The following P4HA1 variants were observed in gnomAD, a reference collection of about 807,000 sequenced individuals.
The protein encoded by P4HA1 is prolyl 4-hydroxylase subunit alpha 1.
Under a neutral mutation model 72.8 loss-of-function variants are expected in P4HA1, and 24 were observed. That is an observed-to-expected ratio of 0.33 (90% CI 0.24 to 0.46). The LOEUF is 0.46. P4HA1 is among the 20% of genes least tolerant of loss of function. The probability of loss-of-function intolerance (pLI) is 1.00; values close to 1 mark genes in which losing one functional copy is unlikely to be tolerated. For synonymous variants in P4HA1, 201 were observed against 218.8 expected (o/e 0.92, Z 0.72); for missense variants, 446 against 640.6 (o/e 0.70, Z 3.28).
At chr10:73,014,378 T>A in intron 11 of P4HA1, 89 bp from the exon 12 acceptor site, 1 of 940,748 alleles carries the variant, frequency 1.1e-6, no homozygotes, top group Non-Finnish European at 1.7e-6. Flanking sequence ...AGTAATATCC[T>A]GAAGAATATG....
chr10:73,084,473 C>A (rs749510255), intron 1 of P4HA1, among the ~76,000 whole-genome samples: 4 of 152,026 alleles, frequency 2.6e-5, no homozygotes, highest in South Asian at 4.1e-4. Context: ...TTTTAAATTT[C>A]TTTTATTTGT....
At chr10:73,028,168 T>C (rs901525481) in intron 10 of P4HA1, among the ~76,000 whole-genome samples, 1 of 152,002 alleles carries the variant, frequency 6.6e-6, no homozygotes, top group Non-Finnish European at 1.5e-5. Flanking sequence ...AACACAGTTT[T>C]ATGAATCTCA....
chr10:73,075,016 G>A, intron 1 of P4HA1, 101 bp from the exon 2 acceptor site: 1 of 560,994 alleles, frequency 1.8e-6, no homozygotes, highest in Non-Finnish European at 3.2e-6. Flanking sequence ...AGATTCCAAG[G>A]TTGCCCATAA....
At chr10:73,069,999 G>A (rs933740916) in intron 4 of P4HA1, among the ~76,000 whole-genome samples, 4 of 151,870 alleles carry the variant, frequency 2.6e-5, no homozygotes, top group Non-Finnish European at 5.9e-5. Flanking sequence ...TAGTAGAGAC[G>A]GGGTTTCACC....
intron 1 of P4HA1, among the ~76,000 whole-genome samples, chr10:73,078,068 C>CAAA (rs61030339): frequency 4.1e-3 from 245 of 59,402 alleles, no homozygotes; most frequent in East Asian, 0.031. Flanking sequence ...GCTTATGTGT[C>CAAA]AAAAAAAAAA....
chr10:73,095,117 A>ATTTGGTTTTG (rs1842132954), intron 1 of P4HA1, among the ~76,000 whole-genome samples: 3 of 152,210 alleles, frequency 2.0e-5, no homozygotes, highest in Admixed American at 6.5e-5. Flanking sequence ...CCAAAACCAA[A>ATTTGGTTTTG]ACTGACTATG....
intron 13 of P4HA1, among the ~76,000 whole-genome samples, chr10:73,010,213 C>A (rs2133027270): frequency 6.6e-6 from 1 of 152,240 alleles, no homozygotes; most frequent in East Asian, 1.9e-4. Context: ...GATGATCCGC[C>A]CATCTTGGCC....
intron 9 of P4HA1, among the ~76,000 whole-genome samples, chr10:73,032,925 T>G (rs562154678): frequency 4.6e-4 from 70 of 152,356 alleles, no homozygotes; most frequent in African/African-American, 1.5e-3. Flanking sequence ...ATTACTAAAA[T>G]TATTTGCTTG....
At chr10:73,070,965 T>TG (rs1841546162) in intron 4 of P4HA1, among the ~76,000 whole-genome samples, 1 of 152,140 alleles carries the variant, frequency 6.6e-6, no homozygotes, top group Non-Finnish European at 1.5e-5. Flanking sequence ...AAGGATCACA[T>TG]GAGGCCAAGA....
At chr10:73,059,424 T>TTA (rs1564631478) in intron 5 of P4HA1, among the ~76,000 whole-genome samples, 284 of 24,176 alleles carry the variant, frequency 0.012, 8 homozygotes, top group African/African-American at 0.026. Context: ...ACAATATATT[T>TTA]AAAAAAAAAA....
At chr10:73,066,735 A>G (rs1841432768) in intron 5 of P4HA1, among the ~76,000 whole-genome samples, 1 of 152,210 alleles carries the variant, frequency 6.6e-6, no homozygotes, top group Middle Eastern at 3.4e-3. Flanking sequence ...TCATGGGGGC[A>G]GTTCCCCCAT....
At chr10:73,096,639 T>C (rs1842175618) in intron 1 of P4HA1, 127 bp downstream of exon 1, 1 of 153,186 alleles carries the variant, frequency 6.5e-6, no homozygotes. Flanking sequence ...GAGGCTGCTG[T>C]GGTAACCTGG....
chr10:73,026,416 A>C (rs1310939541), intron 10 of P4HA1, among the ~76,000 whole-genome samples: 2 of 152,250 alleles, frequency 1.3e-5, no homozygotes, highest in Non-Finnish European at 2.9e-5. Context: ...TAGAAAGCTG[A>C]AACTGGATCC....
chr10:73,056,878 G>C (rs1310394230), intron 5 of P4HA1, among the ~76,000 whole-genome samples: 1 of 151,368 alleles, frequency 6.6e-6, no homozygotes, highest in Non-Finnish European at 1.5e-5. Context: ...GGCTAACACG[G>C]TGAAAGCCTG....
chr10:73,084,205 T>C (rs11000516), intron 1 of P4HA1, among the ~76,000 whole-genome samples: 24,137 of 152,232 alleles, frequency 0.16, 3,166 homozygotes, highest in African/African-American at 0.34. Flanking sequence ...TTGTACAATA[T>C]GCACTTTAGA....
At position 73,068,900 on chromosome 10, in the gene P4HA1, G is replaced by A; in HGVS notation, c.409C>T (p.Leu137Phe). 6.2e-7 allele frequency: 1 copy of A among 1,611,558 alleles called. No homozygotes were observed. Among genetic ancestry groups the A allele is most frequent in the South Asian group, 1.1e-5 (1 of 91,010 alleles). The change falls in exon 5 of 15, where the codon CTC becomes TTC. Residue 137 changes from leucine to phenylalanine, a missense_variant. By Grantham distance (22) the Leu-to-Phe change is conservative (BLOSUM62 0). Coordinates refer to ENST00000394890, the MANE Select transcript of P4HA1 (RefSeq NM_001017962.3). ...GTATCCAAATTGTAGGTATCCTGGA[G>A]ACGTAACAGAGCTTTGGCTGCCCCA... ...QVGAAKALLRLQDTYNLDTDT... is the reference protein window; with the variant it reads ...QVGAAKALLRFQDTYNLDTDT...
intron 1 of P4HA1, among the ~76,000 whole-genome samples, chr10:73,086,369 T>G (rs1841923540): frequency 1.3e-5 from 2 of 152,104 alleles, no homozygotes; most frequent in Admixed American, 1.3e-4. Flanking sequence ...TACTGATATA[T>G]GTTATAACAC....
In P4HA1 at chr10:73,093,448, C is replaced by G. The variant is rs1003751791; in HGVS notation, c.-33+3318G>C. 3.6e-4 allele frequency among the ~76,000 whole-genome samples: 55 copies of G among 152,168 alleles called. 1 individual carries two copies. The highest frequency in any genetic ancestry group is 1.3e-3 in the African/African-American group (54 of 41,524). ...TGAGAGTCCTTTTGAATTGCCAAAGCTTTTCTTTAGGTACAATACTTATTC... is the reference window on the plus strand; with the variant it reads ...TGAGAGTCCTTTTGAATTGCCAAAGGTTTTCTTTAGGTACAATACTTATTC... On this transcript the variant is annotated intron_variant, in intron 1 of 14. Coordinates refer to ENST00000394890, the MANE Select transcript of P4HA1 (RefSeq NM_001017962.3).
intron 1 of P4HA1, among the ~76,000 whole-genome samples, chr10:73,084,637 T>C (rs1841890016): frequency 6.6e-6 from 1 of 152,120 alleles, no homozygotes; most frequent in South Asian, 2.1e-4. Flanking sequence ...TATATAGCAG[T>C]TATACTACTT....
Sources: gnomAD v4.1 joint callset for allele counts (sites outside exome capture counted in the v4.1 genomes callset) on GRCh38, gnomAD v4.1.1 for gene constraint, MANE v1.5 for transcripts, NCBI Gene and HGNC (gene_info 2026-07-23, HGNC 2026-07-21) for gene names.